The following UGT1A4 variants were observed in gnomAD, a reference collection of about 807,000 sequenced individuals.
UGT1A4 encodes UDP-glucuronosyltransferase 1A4.
In UGT1A4, 32 loss-of-function variants were observed where a neutral mutation model predicts 41.1. The observed-to-expected ratio is 0.78, with a 90% CI of 0.59 to 1.05. The LOEUF (loss-of-function observed/expected upper bound fraction) is 1.05. Ranked by LOEUF, UGT1A4 falls within the 50% of genes least tolerant of loss-of-function variation. The pLI, the probability that UGT1A4 is intolerant of heterozygous loss-of-function variation, is 0.00. For synonymous variants in UGT1A4, 283 were observed against 265.1 expected (o/e 1.07, Z -0.66); for missense variants, 748 against 677.4 (o/e 1.10, Z -1.16).
intron 1 of UGT1A4, among the ~76,000 whole-genome samples, chr2:233,725,098 A>G (rs1201053871): frequency 1.4e-5 from 2 of 143,348 alleles, no homozygotes; most frequent in Non-Finnish European, 3.0e-5. Context: ...GAGGCAGGAG[A>G]ATCAGGCAGG....
At chr2:233,761,149 C>A (rs1575779799) in intron 1 of UGT1A4, 1 of 1,614,176 alleles carries the variant, frequency 6.2e-7, no homozygotes. Context: ...TCCACTATCC[C>A]AGGTGTGTAT....
chr2:233,772,721 A>G lies in UGT1A4; in HGVS notation c.*162A>G, dbSNP rs1307369412. On this transcript the variant is annotated 3_prime_UTR_variant, in exon 5 of 5. Coordinates refer to ENST00000373409, the MANE Select transcript of UGT1A4 (RefSeq NM_007120.3). ...TAAAAAATTCTCTTAAATAAAAATA[A>G]TAGACTCGCTAGTCAGTAAAGATAT... 4.1e-6 allele frequency: 6 copies of G among 1,458,094 alleles called. No individual in the cohort carries two copies. Among genetic ancestry groups the G allele is most frequent in the Non-Finnish European group, 5.4e-6 (6 of 1,108,844 alleles). The allele number at this position is 1,458,094 out of a possible 1,614,324, so 90.3% of individuals were successfully genotyped here.
At chr2:233,757,535 A>AATATATATATATATATATATATATATAT (rs67292694) in intron 1 of UGT1A4, among the ~76,000 whole-genome samples, 42 of 88,242 alleles carry the variant, frequency 4.8e-4, no homozygotes, top group East Asian at 2.0e-3. Context: ...GCCTGTAAGG[A>AATATATATATATATATATATATATATAT]ATATATATAT....
intron 1 of UGT1A4, chr2:233,760,764 C>A (rs199766420): frequency 8.1e-6 from 13 of 1,614,088 alleles, no homozygotes; most frequent in Non-Finnish European, 1.0e-5. Context: ...GCAGCCCCAT[C>A]GTGGCCCAGT....
At chr2:233,746,478 T>C (rs1007346584) in intron 1 of UGT1A4, among the ~76,000 whole-genome samples, 1 of 151,746 alleles carries the variant, frequency 6.6e-6, no homozygotes, top group Non-Finnish European at 1.5e-5. Flanking sequence ...AGAAACACTT[T>C]CCATGGACAT....
At chr2:233,744,382 C>T (rs1464518756) in intron 1 of UGT1A4, among the ~76,000 whole-genome samples, 13 of 151,968 alleles carry the variant, frequency 8.6e-5, no homozygotes, top group Non-Finnish European at 1.3e-4. Flanking sequence ...AGTTCTCCAA[C>T]GTTCCAGCCC....
At chr2:233,725,740 A>G (rs2077471611) in intron 1 of UGT1A4, among the ~76,000 whole-genome samples, 1 of 152,228 alleles carries the variant, frequency 6.6e-6, no homozygotes. Context: ...AAATGTAAAC[A>G]TTGTAAGAGA....
chr2:233,757,927 A>C (rs1242249137), intron 1 of UGT1A4, among the ~76,000 whole-genome samples: 4 of 152,044 alleles, frequency 2.6e-5, no homozygotes, highest in African/African-American at 9.7e-5. Flanking sequence ...GCAGCCCCCA[A>C]AGCAAGACCA....
intron 1 of UGT1A4, among the ~76,000 whole-genome samples, chr2:233,759,538 A>T (rs1009544779): frequency 6.6e-6 from 1 of 152,036 alleles, no homozygotes. Context: ...TTCTGTTCAC[A>T]TGCGCTCCAG....
Position 233,767,897 on chromosome 2 carries a change from A to G in UGT1A4, c.1048A>G (p.Thr350Ala). Residue 350 changes from threonine to alanine, a missense_variant, in exon 3 of 5, where the codon ACG becomes GCG. Thr to Ala is a moderately conservative substitution (Grantham distance 58). Transcript: ENST00000373409. ...CCGACCATCGAATCTTGCGAACAAC[A>G]CGATACTTGTTAAGTGGCTACCCCA... is the stretch of plus-strand genomic sequence containing the variant. The part of the protein sequence containing the change: ...GTRPSNLANN[T>A]ILVKWLPQND... The G allele has an allele frequency of 1.9e-6, 3 of 1,614,178 alleles. No homozygotes were observed. Among genetic ancestry groups the G allele is most frequent in the Non-Finnish European group, 1.7e-6 (2 of 1,180,044 alleles).
chr2:233,765,740 C>T (rs951696953), intron 1 of UGT1A4, among the ~76,000 whole-genome samples: 1 of 147,868 alleles, frequency 6.8e-6, no homozygotes, highest in African/African-American at 2.5e-5. Context: ...TAAATAAACC[C>T]ATAAAGCCAT....
At chr2:233,757,048 T>G (rs536754863) in intron 1 of UGT1A4, among the ~76,000 whole-genome samples, 1 of 151,428 alleles carries the variant, frequency 6.6e-6, no homozygotes, top group South Asian at 2.1e-4. Flanking sequence ...AAAGGAAGTT[T>G]GGGGAACAGC....
At chr2:233,751,042 C>T (rs1694623923) in intron 1 of UGT1A4, among the ~76,000 whole-genome samples, 1 of 151,808 alleles carries the variant, frequency 6.6e-6, no homozygotes, top group South Asian at 2.1e-4. Flanking sequence ...CACTGTGTGC[C>T]TGGAAAAGAC....
In UGT1A4 at chr2:233,767,082, TTC is replaced by T; in HGVS notation, c.920_921del (p.Ser307PhefsTer18). ...NASGEHGIVV[F>X]SLGSMVSEIP... ...TTCTGGAGAACATGGAATTGTGGTTTTCTCTTTGGGATCAATGGTCTCAGAAA... is the reference window on the plus strand; with the variant it reads ...TTCTGGAGAACATGGAATTGTGGTTTTCTTTGGGATCAATGGTCTCAGAAA... On this transcript the variant is annotated frameshift_variant, in exon 2 of 5. Coordinates refer to ENST00000373409, the MANE Select transcript of UGT1A4 (RefSeq NM_007120.3). LOFTEE classifies it high-confidence loss of function. The T allele has an allele frequency of 6.2e-7, 1 of 1,614,166 alleles. No homozygotes were observed. The highest frequency in any genetic ancestry group is 8.5e-7 in the Non-Finnish European group (1 of 1,180,030).
chr2:233,772,168 A>C, intron 4 of UGT1A4, 94 bp from the exon 5 acceptor site: 1 of 1,573,330 alleles, frequency 6.4e-7, no homozygotes, highest in Non-Finnish European at 8.6e-7. Flanking sequence ...AAGTTTGGAA[A>C]ATCTGGTAGT....
intron 1 of UGT1A4, among the ~76,000 whole-genome samples, chr2:233,728,166 GGAACCATTCTTATCAGAACTT>G (rs1169648713): frequency 6.6e-6 from 1 of 152,212 alleles, no homozygotes; most frequent in Non-Finnish European, 1.5e-5. Flanking sequence ...CTGTTCTGGA[GGAACCATTCTTATCAGAACTT>G]GGTGCTGGAT....
chr2:233,757,994 T>C (rs1233482965), intron 1 of UGT1A4, among the ~76,000 whole-genome samples: 1 of 152,092 alleles, frequency 6.6e-6, no homozygotes, highest in Non-Finnish European at 1.5e-5. Context: ...TCCCCTGTAA[T>C]TGCCTGGTCA....
rs192713031 is a variant in UGT1A4 at position 233,755,438 on chromosome 2, C to G, written c.868-11596C>G. ...TGTGAGCGCCTCGCATCCCAAGATG[C>G]AGTGCTCCTGGGACTGGCCCTGCTC... On this transcript the variant is annotated intron_variant, in intron 1 of 4. Transcript: ENST00000373409. 453 of 315,884 alleles carry G rather than the reference C, an allele frequency of 1.4e-3. 2 individuals carry two copies. The highest frequency in any genetic ancestry group is 7.9e-3 in the African/African-American group (362 of 46,082). The allele number at this position is 315,884 out of a possible 1,614,324, so 19.6% of individuals were successfully genotyped here.
chr2:233,718,848 C>A lies in UGT1A4; in HGVS notation c.28C>A (p.Pro10Thr). 1 of 1,613,708 alleles carries A rather than the reference C, an allele frequency of 6.2e-7. No homozygotes were observed. The highest frequency in any genetic ancestry group is 8.5e-7 in the Non-Finnish European group (1 of 1,179,946). Residue 10 changes from proline to threonine, a missense_variant, in exon 1 of 5, where the codon CCG becomes ACG. By Grantham distance (38) the Pro-to-Thr change is conservative (BLOSUM62 -1). Transcript: ENST00000373409. ...GGCCAGAGGACTCCAGGTTCCCCTG[C>A]CGCGGCTGGCCACAGGACTGCTGCT... MARGLQVPL[P>T]RLATGLLLLL... is the part of the protein sequence containing the mutation.
Sources: allele counts gnomAD v4.1 joint callset (sites outside exome capture counted in the v4.1 genomes callset), GRCh38; gene constraint gnomAD v4.1.1; transcripts MANE v1.5; gene names NCBI Gene and HGNC (gene_info 2026-07-23, HGNC 2026-07-21).